PLCL2: variants seen among roughly 807,000 people sequenced by gnomAD.
PLCL2 encodes the protein inactive phospholipase C-like protein 2.
A neutral mutation model predicts 79.6 loss-of-function variants in PLCL2; 4 were observed. The observed-to-expected ratio is 0.05, with a 90% CI of 0.02 to 0.11. PLCL2 has a LOEUF of 0.11. PLCL2 is among the 10% of genes least tolerant of loss of function. The pLI is 1.00. For missense variants in PLCL2, 895 were observed against 1,291.0 expected, an observed-to-expected ratio of 0.69 and a Z score of 4.70; for synonymous variants, 484 against 457.7, an observed-to-expected ratio of 1.06 and a Z score of -0.73.
Position 16,893,668 on chromosome 3 carries a change from G to T in PLCL2, c.327+8302G>T, listed in dbSNP as rs545072153. ...CATTTATTTGCATATTAGCATAACA[G>T]AATTGGAAAAATTTGTTATGTAATA... On this transcript the variant is annotated intron_variant, in intron 1 of 5. Transcript: ENST00000615277. Among the ~76,000 whole-genome samples, 415 of 152,258 alleles carry T rather than the reference G, an allele frequency of 2.7e-3. 2 individuals carry two copies. Among genetic ancestry groups the T allele is most frequent in the Non-Finnish European group, 4.3e-3 (294 of 68,000 alleles).
chr3:16,902,241 A>G (rs1559480910), intron 1 of PLCL2, among the ~76,000 whole-genome samples: 1 of 152,210 alleles, frequency 6.6e-6, no homozygotes, highest in Non-Finnish European at 1.5e-5. Flanking sequence ...ATCGGACTGG[A>G]TGAAAGAGAG....
At position 16,941,723 on chromosome 3, in the gene PLCL2, G is replaced by C. The variant is rs150349036; in HGVS notation, c.327+56357G>C. On this transcript the variant is annotated intron_variant, in intron 1 of 5. Transcript: ENST00000615277. ...CCCTCCTCTGTTCTTCCATAGCACC[G>C]CAACTATCTCTCACCCTGTAATTGT... Among the ~76,000 whole-genome samples, 991 of 152,104 alleles carry C rather than the reference G, an allele frequency of 6.5e-3. 11 individuals carry two copies. The highest frequency in any genetic ancestry group is 0.022 in the African/African-American group (908 of 41,476).
intron 1 of PLCL2, among the ~76,000 whole-genome samples, chr3:16,962,957 G>A (rs920534119): frequency 5.3e-5 from 8 of 152,000 alleles, no homozygotes; most frequent in African/African-American, 1.7e-4. Flanking sequence ...CTTAAAAAAG[G>A]TAATGGGAAA....
chr3:16,956,211 C>T (rs2063703857), intron 1 of PLCL2, among the ~76,000 whole-genome samples: 1 of 152,146 alleles, frequency 6.6e-6, no homozygotes, highest in Non-Finnish European at 1.5e-5. Context: ...CCATCAATAC[C>T]TAATTTATTG....
chr3:16,941,313 C>CT (rs1206546439), intron 1 of PLCL2, among the ~76,000 whole-genome samples: 1 of 152,136 alleles, frequency 6.6e-6, no homozygotes, highest in African/African-American at 2.4e-5. Context: ...CTTGACCATT[C>CT]TTTTTTCTTC....
At chr3:16,939,163 CTCTT>C (rs1697616265) in intron 1 of PLCL2, among the ~76,000 whole-genome samples, 1 of 152,202 alleles carries the variant, frequency 6.6e-6, no homozygotes, top group African/African-American at 2.4e-5. Flanking sequence ...TAATCACACA[CTCTT>C]TCTTGTCATA....
chr3:16,955,362 G>T (rs1298759960), intron 1 of PLCL2, among the ~76,000 whole-genome samples: 2 of 152,012 alleles, frequency 1.3e-5, no homozygotes, highest in Non-Finnish European at 2.9e-5. Context: ...ATTTCTGAGG[G>T]CTCTGTTCTG....
At chr3:16,965,355 G>T (rs976677489) in intron 1 of PLCL2, among the ~76,000 whole-genome samples, 1 of 151,870 alleles carries the variant, frequency 6.6e-6, no homozygotes, top group African/African-American at 2.4e-5. Flanking sequence ...ATTTCTGAGG[G>T]CTCTGTTCTG....
Position 17,014,811 on chromosome 3 carries a change from C to T in PLCL2, c.2918C>T (p.Thr973Ile). ...VSPRFLGPDN[T>I]PLVVLNLSEQ... ...CCCCGCTTTCTGGGGCCCGATAACACACCCCTAGTGGTCCTAAATCTCAGC... is the reference window on the plus strand; with the variant it reads ...CCCCGCTTTCTGGGGCCCGATAACATACCCCTAGTGGTCCTAAATCTCAGC... Residue 973 changes from threonine to isoleucine, a missense_variant, in exon 3 of 6, where the codon ACA becomes ATA. Physicochemically the swap from Thr to Ile is moderately conservative, Grantham distance 89. Coordinates refer to ENST00000615277, the MANE Select transcript of PLCL2 (RefSeq NM_001144382.2). 1 of 1,614,052 alleles carries T rather than the reference C, an allele frequency of 6.2e-7. No individual in the cohort carries two copies. The highest frequency in any genetic ancestry group is 1.3e-5 in the African/African-American group (1 of 75,048).
chr3:17,090,030 G>A lies in PLCL2; in HGVS notation c.*118G>A. On this transcript the variant is annotated 3_prime_UTR_variant, in exon 6 of 6. Coordinates refer to ENST00000615277, the MANE Select transcript of PLCL2 (RefSeq NM_001144382.2). Reference sequence around the variant, plus strand: ...TATTCGGGATTTTAAAGCACAACTGGAATAGCTAATTACAGTCTATTAAAA... The same window carrying A: ...TATTCGGGATTTTAAAGCACAACTGAAATAGCTAATTACAGTCTATTAAAA... 2 of 1,422,150 alleles carry A rather than the reference G, an allele frequency of 1.4e-6. No individual in the cohort carries two copies. The highest frequency in any genetic ancestry group is 1.8e-6 in the Non-Finnish European group (2 of 1,084,168). The allele number at this position is 1,422,150 out of a possible 1,614,324, so 88.1% of individuals were successfully genotyped here. A position where few individuals can be genotyped will look rare whatever the true frequency, so the allele number is the denominator to read the frequency against.
At chr3:16,925,571 T>C (rs1697227922) in intron 1 of PLCL2, among the ~76,000 whole-genome samples, 1 of 152,222 alleles carries the variant, frequency 6.6e-6, no homozygotes, top group Admixed American at 6.5e-5. Flanking sequence ...ACCACTAAAT[T>C]ACTGTCTCTC....
intron 3 of PLCL2, among the ~76,000 whole-genome samples, chr3:17,035,940 T>C (rs1329861191): frequency 7.2e-5 from 11 of 152,206 alleles, no homozygotes; most frequent in African/African-American, 2.7e-4. Flanking sequence ...CATGTCAAGT[T>C]CTTTCTACAA....
intron 1 of PLCL2, among the ~76,000 whole-genome samples, chr3:16,977,131 C>A (rs1217368504): frequency 1.3e-5 from 2 of 152,098 alleles, no homozygotes; most frequent in African/African-American, 2.4e-5. Flanking sequence ...CACACACACA[C>A]AATACATATA....
chr3:16,909,714 G>A (rs914691865), intron 1 of PLCL2, among the ~76,000 whole-genome samples: 7 of 152,056 alleles, frequency 4.6e-5, no homozygotes, highest in Non-Finnish European at 1.0e-4. Flanking sequence ...TCCTATTTCT[G>A]TTCAGCAAAA....
At chr3:16,911,010 T>C (rs1009114498) in intron 1 of PLCL2, among the ~76,000 whole-genome samples, 47 of 152,178 alleles carry the variant, frequency 3.1e-4, no homozygotes, top group African/African-American at 1.1e-3. Flanking sequence ...CCCAGCACTT[T>C]GGGAGGCGAA....
At chr3:16,996,843 T>C (rs1485491048) in intron 1 of PLCL2, among the ~76,000 whole-genome samples, 1 of 152,204 alleles carries the variant, frequency 6.6e-6, no homozygotes, top group African/African-American at 2.4e-5. Context: ...ATAAATATTA[T>C]AGATAAAACA....
chr3:16,954,911 A>G (rs886441459), intron 1 of PLCL2, among the ~76,000 whole-genome samples: 4 of 152,190 alleles, frequency 2.6e-5, no homozygotes, highest in Non-Finnish European at 5.9e-5. Flanking sequence ...AGTTCATTGT[A>G]GATTCTGGAT....
intron 1 of PLCL2, among the ~76,000 whole-genome samples, chr3:16,953,911 A>G (rs903264694): frequency 5.3e-5 from 8 of 152,166 alleles, no homozygotes; most frequent in Non-Finnish European, 8.8e-5. Context: ...AAATATTTCA[A>G]TTTTGAGTTG....
chr3:17,035,219 A>G (rs1044566846), intron 3 of PLCL2, among the ~76,000 whole-genome samples: 10 of 152,210 alleles, frequency 6.6e-5, no homozygotes, highest in African/African-American at 2.4e-4. Context: ...GTTCAATTCA[A>G]CTAAGCTGGA....
Sources: gnomAD v4.1 joint callset for allele counts (sites outside exome capture counted in the v4.1 genomes callset) on GRCh38, gnomAD v4.1.1 for gene constraint, MANE v1.5 for transcripts, NCBI Gene and HGNC (gene_info 2026-07-23, HGNC 2026-07-21) for gene names.